CDC42BPB: variants seen among roughly 807,000 people sequenced by gnomAD.
CDC42BPB encodes the protein CDC42 binding protein kinase beta, also known as serine/threonine-protein kinase MRCK beta.
CDC42BPB carries 37 observed loss-of-function variants against 214.9 expected under a neutral mutation model. The observed-to-expected ratio is 0.17, with a 90% CI of 0.13 to 0.23. CDC42BPB has a LOEUF of 0.23. Among genes scored for constraint, CDC42BPB ranks in the 10% least tolerant of loss-of-function variants. The probability of loss-of-function intolerance (pLI) is 1.00; values close to 1 mark genes in which losing one functional copy is unlikely to be tolerated. For synonymous variants in CDC42BPB, 931 were observed against 884.0 expected (o/e 1.05, Z -0.94); for missense variants, 1,694 against 2,227.0 (o/e 0.76, Z 4.82).
chr14:103,040,493 C>G (rs1048806461), intron 1 of CDC42BPB, among the ~76,000 whole-genome samples: 5 of 152,050 alleles, frequency 3.3e-5, no homozygotes, highest in Non-Finnish European at 5.9e-5. Context: ...GAGTCTCACT[C>G]TGAAGCCCAG....
intron 32 of CDC42BPB, 49 bp from the exon 33 acceptor site, chr14:102,939,996 C>G: frequency 6.2e-7 from 1 of 1,613,732 alleles, no homozygotes; most frequent in Non-Finnish European, 8.5e-7. Context: ...CAGGGACACA[C>G]GCCCCTCCAA....
intron 1 of CDC42BPB, among the ~76,000 whole-genome samples, chr14:103,042,833 G>A (rs1888083085): frequency 6.6e-6 from 1 of 152,132 alleles, no homozygotes; most frequent in African/African-American, 2.4e-5. Context: ...GGCTGCTGGT[G>A]GGAATGTAGA....
At position 102,933,809 on chromosome 14, in the gene CDC42BPB, G is replaced by A. The variant is rs765191399; in HGVS notation, c.5039C>T (p.Ser1680Leu). 2.6e-6 allele frequency: 4 copies of A among 1,516,088 alleles called. No homozygotes were observed. The highest frequency in any genetic ancestry group is 3.5e-6 in the Non-Finnish European group (4 of 1,141,364). 93.9% of individuals were successfully genotyped at this position (1,516,088 alleles called of 1,614,324 possible). A position where few individuals can be genotyped will look rare whatever the true frequency, so the allele number is the denominator to read the frequency against. The change falls in exon 37 of 37, where the codon TCG becomes TTG. Residue 1680 changes from serine (S) to leucine (L), a missense_variant. Transcript: ENST00000361246. ...DSDSTKHSTP[S>L]NSSNPSGPPS... is the part of the protein sequence containing the mutation. Reference sequence around the variant, plus strand: ...TGGGCCGCTGGGGTTGGAGCTATTCGATGGAGTTGAGTGTTTGGTGGAGTC... The same window carrying A: ...TGGGCCGCTGGGGTTGGAGCTATTCAATGGAGTTGAGTGTTTGGTGGAGTC...
chr14:102,984,847 G>A (rs998030157), intron 6 of CDC42BPB, among the ~76,000 whole-genome samples: 1 of 152,200 alleles, frequency 6.6e-6, no homozygotes, highest in African/African-American at 2.4e-5. Context: ...AACTGCTCAG[G>A]CTGAATGGAT....
chr14:103,024,551 A>G (rs910864027), intron 1 of CDC42BPB, among the ~76,000 whole-genome samples: 4 of 152,244 alleles, frequency 2.6e-5, no homozygotes, highest in Admixed American at 6.5e-5. Flanking sequence ...GGGAATTTTT[A>G]GCAACTATTC....
At chr14:103,023,151 G>T (rs914856865) in intron 1 of CDC42BPB, among the ~76,000 whole-genome samples, 1 of 148,472 alleles carries the variant, frequency 6.7e-6, no homozygotes, top group African/African-American at 2.5e-5. Context: ...CTACAGGTGC[G>T]CATTATCATG....
rs1893305179 is a variant in CDC42BPB, at chr14:102,968,169, T to C, written c.2346+84A>G. The C allele has an allele frequency of 3.4e-6, 3 of 887,504 alleles. No homozygotes were observed. The African/African-American group carries it at 5.1e-5, about 15-fold the overall frequency. The allele number at this position is 887,504 out of a possible 1,614,324, so 55.0% of individuals were successfully genotyped here. On this transcript the variant is annotated intron_variant, in intron 16 of 36. Transcript: ENST00000361246. The stretch of plus-strand genomic sequence containing the variant: ...CCCCCATAAATATATATACCTACTA[T>C]GTACCCACACAAATTAAAAATAATT...
intron 34 of CDC42BPB, 170 bp from the exon 35 acceptor site, chr14:102,938,581 C>T: frequency 1.0e-6 from 1 of 984,404 alleles, no homozygotes; most frequent in Non-Finnish European, 1.2e-6. Flanking sequence ...GAACTAAGAA[C>T]TGGCAATAGC....
At chr14:102,977,136 T>C (rs1446270113) in intron 9 of CDC42BPB, among the ~76,000 whole-genome samples, 3 of 151,748 alleles carry the variant, frequency 2.0e-5, no homozygotes, top group Non-Finnish European at 2.9e-5. Flanking sequence ...GGTCAGGAGA[T>C]CGAGACCATC....
intron 22 of CDC42BPB, 144 bp from the exon 23 acceptor site, chr14:102,954,419 G>A (rs1260295337): frequency 2.7e-5 from 39 of 1,441,332 alleles, no homozygotes; most frequent in African/African-American, 8.6e-5. Context: ...AGACATCTGC[G>A]GAAGCCTCCC....
intron 8 of CDC42BPB, among the ~76,000 whole-genome samples, chr14:102,980,558 G>C (rs1179751093): frequency 6.6e-6 from 1 of 151,946 alleles, no homozygotes; most frequent in Non-Finnish European, 1.5e-5. Context: ...CAAAACAAAT[G>C]AGCTGTTTAA....
intron 23 of CDC42BPB, 24 bp from the exon 24 acceptor site, chr14:102,952,627 C>T (rs1327683323): frequency 6.2e-7 from 1 of 1,606,306 alleles, no homozygotes; most frequent in Non-Finnish European, 8.5e-7. Context: ...ATCAAGAACA[C>T]TGAGGTGAAC....
At position 103,057,377 on chromosome 14, in the gene CDC42BPB, C is replaced by A; in HGVS notation, c.-204G>T. ...GCGCAGAGTCTGGGGCGCCGGGCCCCGCGGGTCCATGGGCCGCTCTCCTCC... is the reference window on the plus strand; with the variant it reads ...GCGCAGAGTCTGGGGCGCCGGGCCCAGCGGGTCCATGGGCCGCTCTCCTCC... On this transcript the variant is annotated 5_prime_UTR_variant, in exon 1 of 37. Transcript: ENST00000361246. 5 of 975,936 alleles carry A rather than the reference C, an allele frequency of 5.1e-6. No individual in the cohort carries two copies. Among genetic ancestry groups the A allele is most frequent in the Non-Finnish European group, 6.1e-6 (5 of 818,014 alleles). The allele number at this position is 975,936 out of a possible 1,614,324, so 60.5% of individuals were successfully genotyped here.
Position 103,057,210 on chromosome 14 carries a change from C to T in CDC42BPB, c.-37G>A. ...GCCCGCTCCCGACGCGCCGGCCTCTCACCGCCGGCTCGGCCAGTCCGTCAG... is the reference window on the plus strand; with the variant it reads ...GCCCGCTCCCGACGCGCCGGCCTCTTACCGCCGGCTCGGCCAGTCCGTCAG... On this transcript the variant is annotated 5_prime_UTR_variant, in exon 1 of 37. Coordinates refer to ENST00000361246, the MANE Select transcript of CDC42BPB (RefSeq NM_006035.4). The T allele has an allele frequency of 7.5e-7, 1 of 1,327,456 alleles. No individual in the cohort carries two copies. The highest frequency in any genetic ancestry group is 1.5e-5 in the African/African-American group (1 of 65,588). The allele number at this position is 1,327,456 out of a possible 1,614,324, so 82.2% of individuals were successfully genotyped here.
chr14:102,999,361 A>T (rs1415249854), intron 5 of CDC42BPB, among the ~76,000 whole-genome samples: 2 of 152,160 alleles, frequency 1.3e-5, no homozygotes, highest in African/African-American at 4.8e-5. Flanking sequence ...GCAGACCATG[A>T]CAACTGCAAC....
intron 18 of CDC42BPB, chr14:102,964,887 T>C: frequency 1.9e-6 from 1 of 529,976 alleles, no homozygotes. Flanking sequence ...TTTAGAAGAA[T>C]AAAAGTGATT....
chr14:102,968,830 T>C (rs1893341197), intron 14 of CDC42BPB, 114 bp from the exon 15 acceptor site: 1 of 1,530,416 alleles, frequency 6.5e-7, no homozygotes, highest in Non-Finnish European at 8.7e-7. Flanking sequence ...GGACTGTGTG[T>C]GCCTGGTCTA....
At chr14:103,025,586 G>A (rs1887006086) in intron 1 of CDC42BPB, among the ~76,000 whole-genome samples, 1 of 151,902 alleles carries the variant, frequency 6.6e-6, no homozygotes. Context: ...GGGAAGCCGA[G>A]GCGGGTGGAT....
intron 4 of CDC42BPB, among the ~76,000 whole-genome samples, chr14:103,002,220 C>T (rs1207583701): frequency 6.6e-6 from 1 of 152,178 alleles, no homozygotes; most frequent in African/African-American, 2.4e-5. Flanking sequence ...CCTCAACGCC[C>T]CCGCTCAAGG....
Sources: allele counts gnomAD v4.1 joint callset (sites outside exome capture counted in the v4.1 genomes callset), GRCh38; gene constraint gnomAD v4.1.1; transcripts MANE v1.5; gene names NCBI Gene and HGNC (gene_info 2026-07-23, HGNC 2026-07-21).